Variants in GPRIN3 observed in about 807,000 individuals in gnomAD.
GPRIN3 encodes G protein-regulated inducer of neurite outgrowth 3.
GPRIN3 carries 12 observed loss-of-function variants against 13.7 expected under a neutral mutation model. The observed-to-expected ratio is 0.87, with a 90% CI of 0.56 to 1.42. The LOEUF (loss-of-function observed/expected upper bound fraction) is 1.42, where lower values mean the gene tolerates loss of function less well. Among genes scored for constraint, GPRIN3 ranks in the 40% most tolerant of loss-of-function variants. The pLI, the probability that GPRIN3 is intolerant of heterozygous loss-of-function variation, is 0.00. For synonymous variants in GPRIN3, 377 were observed against 372.7 expected (o/e 1.01, Z -0.13); for missense variants, 1,009 against 958.7 (o/e 1.05, Z -0.69).
intron 1 of GPRIN3, among the ~76,000 whole-genome samples, chr4:89,270,162 C>T (rs1450443843): frequency 6.6e-6 from 1 of 151,812 alleles, no homozygotes; most frequent in African/African-American, 2.4e-5. Flanking sequence ...CATAAAAGGG[C>T]AAAAGGAACA....
intron 1 of GPRIN3, among the ~76,000 whole-genome samples, chr4:89,257,250 C>A (rs1260105355): frequency 6.6e-6 from 1 of 152,140 alleles, no homozygotes; most frequent in African/African-American, 2.4e-5. Context: ...ATCCCTTCTC[C>A]CCATCCAGTT....
Position 89,248,338 on chromosome 4 carries a change from G to A in GPRIN3, c.1773C>T (p.Ser591=). 6.2e-7 allele frequency: 1 copy of A among 1,614,128 alleles called. No homozygotes were observed. ...TPSPIRKNQE[S]TLEENRQTKT... ...TGGTCTGTCTGTTTTCTTCTAAGGT[G>A]CTCTCCTGGTTCTTCCTAATTGGGG... is the stretch of plus-strand genomic sequence containing the variant. Residue 591 remains serine (S), a synonymous_variant, in exon 2 of 2, where the codon AGC becomes AGT. Transcript: ENST00000609438.
rs561651570 is a variant in GPRIN3, at chr4:89,249,799, C to A, written c.312G>T (p.Gly104=). 1.2e-6 allele frequency: 2 copies of A among 1,614,044 alleles called. No individual in the cohort carries two copies. The highest frequency in any genetic ancestry group is 1.7e-6 in the Non-Finnish European group (2 of 1,180,016). ...FNSPGNPQLP[G]SSQPAASAPS... Reference sequence around the variant, plus strand: ...GGGCTGATGCTGCGGGCTGGCTGCTCCCTGGCAGCTGGGGATTGCCGGGAG... The same window carrying A: ...GGGCTGATGCTGCGGGCTGGCTGCTACCTGGCAGCTGGGGATTGCCGGGAG... Residue 104 remains glycine, a synonymous_variant, in exon 2 of 2, where the codon GGG becomes GGT. Transcript: ENST00000609438.
intron 1 of GPRIN3, among the ~76,000 whole-genome samples, chr4:89,253,443 C>T (rs1723385285): frequency 6.6e-6 from 1 of 152,288 alleles, no homozygotes; most frequent in South Asian, 2.1e-4. Context: ...CGCTGAACAC[C>T]TGCTACGAAA....
chr4:89,274,458 G>A (rs193026858), intron 1 of GPRIN3, among the ~76,000 whole-genome samples: 1 of 152,244 alleles, frequency 6.6e-6, no homozygotes, highest in East Asian at 1.9e-4. Context: ...TGTACTAAAA[G>A]ATACTTGCCT....
rs1723216441 is a variant in GPRIN3 at position 89,249,017 on chromosome 4, C to T, written c.1094G>A (p.Ser365Asn). Residue 365 changes from serine (S) to asparagine (N), a missense_variant, in exon 2 of 2, where the codon AGT (serine) becomes AAT (asparagine). Coordinates refer to ENST00000609438, the MANE Select transcript of GPRIN3 (RefSeq NM_198281.3). ...AGAGAGCTCCAGTGTGTGGCTCCCA[C>T]TGCTGTGGCAAATGACACGCAGCTG... ...QEQLRVICHS[S>N]GSHTLELSDS... 2.5e-6 allele frequency: 4 copies of T among 1,614,214 alleles called. No individual in the cohort carries two copies. Among genetic ancestry groups the T allele is most frequent in the Non-Finnish European group, 3.4e-6 (4 of 1,180,036 alleles).
intron 1 of GPRIN3, among the ~76,000 whole-genome samples, chr4:89,263,648 C>T (rs866836512): frequency 1.5e-4 from 23 of 152,268 alleles, no homozygotes; most frequent in African/African-American, 5.3e-4. Context: ...GGACAAAGTA[C>T]CCCATCTTTA....
chr4:89,281,716 C>T (rs1434879702), intron 1 of GPRIN3, among the ~76,000 whole-genome samples: 1 of 152,204 alleles, frequency 6.6e-6, no homozygotes, highest in African/African-American at 2.4e-5. Flanking sequence ...AAGGACAGAA[C>T]ACATTTCTGT....
chr4:89,249,250 T>C lies in GPRIN3; in HGVS notation c.861A>G (p.Pro287=), dbSNP rs1367922175. The C allele has an allele frequency of 5.6e-6, 9 of 1,614,134 alleles. No homozygotes were observed. The highest frequency in any genetic ancestry group is 7.6e-6 in the Non-Finnish European group (9 of 1,180,028). ...CPPGPEKVPL[P]AQRQMSRFKE... ...TGAACCTTGACATCTGACGCTGTGC[T>C]GGCAGCGGCACCTTCTCTGGACCTG... The change falls in exon 2 of 2, where the codon CCA becomes CCG. Residue 287 remains proline (P), a synonymous_variant. Transcript: ENST00000609438.
At chr4:89,259,988 A>G (rs562711076) in intron 1 of GPRIN3, among the ~76,000 whole-genome samples, 1 of 152,222 alleles carries the variant, frequency 6.6e-6, no homozygotes, top group African/African-American at 2.4e-5. Context: ...TGTATTTTTA[A>G]CAGAGAAGGG....
chr4:89,292,689 T>C (rs1724607832), intron 1 of GPRIN3, among the ~76,000 whole-genome samples: 1 of 152,166 alleles, frequency 6.6e-6, no homozygotes, highest in South Asian at 2.1e-4. Flanking sequence ...GCATCTGGCT[T>C]CCACCATTGG....
chr4:89,253,048 G>C (rs113207516), intron 1 of GPRIN3, among the ~76,000 whole-genome samples: 5 of 150,010 alleles, frequency 3.3e-5, no homozygotes, highest in African/African-American at 1.2e-4. Flanking sequence ...CCTACAGGTT[G>C]GTTGGTCGTC....
At chr4:89,264,481 C>G (rs72872529) in intron 1 of GPRIN3, among the ~76,000 whole-genome samples, 4,855 of 152,208 alleles carry the variant, frequency 0.032, 262 homozygotes, top group African/African-American at 0.11. Context: ...ACAACACAAA[C>G]AAACTAAGCC....
chr4:89,278,788 T>C (rs1390403681), intron 1 of GPRIN3, among the ~76,000 whole-genome samples: 1 of 151,908 alleles, frequency 6.6e-6, no homozygotes, highest in East Asian at 1.9e-4. Context: ...TGTCTAAATA[T>C]GGATTTGAAC....
intron 1 of GPRIN3, among the ~76,000 whole-genome samples, chr4:89,270,776 C>G (rs182437309): frequency 6.5e-4 from 98 of 151,446 alleles, no homozygotes; most frequent in African/African-American, 2.1e-3. Flanking sequence ...TTTCATGCAT[C>G]AAGGTACACA....
Position 89,240,316 on chromosome 4 carries a change from C to T in GPRIN3, c.*7464G>A, listed in dbSNP as rs1395107218. On this transcript the variant is annotated 3_prime_UTR_variant, in exon 2 of 2. Transcript: ENST00000609438. ...TGGAACCCCACCCAAGGGTTCATTG[C>T]TCATATCCTATTATCTCACCAACAT... 1 of 152,172 alleles carries T rather than the reference C, an allele frequency of 6.6e-6. No individual in the cohort carries two copies. Among genetic ancestry groups the T allele is most frequent in the African/African-American group, 2.4e-5 (1 of 41,440 alleles). 9.4% of individuals were successfully genotyped at this position (152,172 alleles called of 1,614,324 possible).
At position 89,241,684 on chromosome 4, in the gene GPRIN3, A is replaced by G. The variant is rs1414674433; in HGVS notation, c.*6096T>C. ...TCTCCTGATATACCAGCATCATTTT[A>G]AGACACGATGGAAAACATTAGGAAA... On this transcript the variant is annotated 3_prime_UTR_variant, in exon 2 of 2. Coordinates refer to ENST00000609438, the MANE Select transcript of GPRIN3 (RefSeq NM_198281.3). The G allele has an allele frequency of 6.6e-6, 1 of 152,206 alleles. No homozygotes were observed. The highest frequency in any genetic ancestry group is 1.5e-5 in the Non-Finnish European group (1 of 68,024). 9.4% of individuals were successfully genotyped at this position (152,206 alleles called of 1,614,324 possible).
In GPRIN3 at chr4:89,253,032, AC is replaced by A. The variant is rs1236527974; in HGVS notation, c.-123-2800del. On this transcript the variant is annotated intron_variant, in intron 1 of 1. Transcript: ENST00000609438. ...CTCAAAAAAGAAAAAAAAAAAAAAA[AC>A]AACTCCTACAGGTTGGTTGGTCGTC... 3.7e-3 allele frequency among the ~76,000 whole-genome samples: 559 copies of A among 150,576 alleles called. 3 individuals carry two copies. The highest frequency in any genetic ancestry group is 7.0e-3 in the Admixed American group (106 of 15,146).
chr4:89,273,158 A>C (rs1724005237), intron 1 of GPRIN3, among the ~76,000 whole-genome samples: 1 of 152,212 alleles, frequency 6.6e-6, no homozygotes, highest in Admixed American at 6.5e-5. Context: ...TTATAGCTTT[A>C]ATGCAATCAC....
Sources: gnomAD v4.1 joint callset for allele counts (sites outside exome capture counted in the v4.1 genomes callset) on GRCh38, gnomAD v4.1.1 for gene constraint, MANE v1.5 for transcripts, NCBI Gene and HGNC (gene_info 2026-07-23, HGNC 2026-07-21) for gene names.